GALNT1: variants seen among roughly 807,000 people sequenced by gnomAD.
GALNT1 encodes the protein GalNAc transferase 1.
Under a neutral mutation model 65.7 loss-of-function variants are expected in GALNT1, and 17 were observed. The observed-to-expected ratio is 0.26, with a 90% confidence interval of 0.18 to 0.39. The LOEUF (loss-of-function observed/expected upper bound fraction) is 0.39, where lower values mean the gene tolerates loss of function less well. GALNT1 is among the 10% of genes least tolerant of loss of function. GALNT1 has a pLI of 1.00. For missense variants in GALNT1, 460 were observed against 672.8 expected (o/e 0.68, Z 3.50); for synonymous variants, 210 against 219.7 (o/e 0.96, Z 0.39).
At chr18:35,589,810 C>T (rs1479703733) in intron 1 of GALNT1, among the ~76,000 whole-genome samples, 2 of 152,118 alleles carry the variant, frequency 1.3e-5, no homozygotes, top group African/African-American at 4.8e-5. Context: ...TGATGTTTTC[C>T]TAATATGTGT....
intron 9 of GALNT1, among the ~76,000 whole-genome samples, chr18:35,698,986 A>G (rs1280729280): frequency 1.3e-5 from 2 of 151,986 alleles, no homozygotes; most frequent in Non-Finnish European, 2.9e-5. Context: ...TGTCTCAAAA[A>G]TAAAATAAAT....
At chr18:35,592,334 A>C (rs998844836) in intron 1 of GALNT1, among the ~76,000 whole-genome samples, 3 of 152,166 alleles carry the variant, frequency 2.0e-5, no homozygotes, top group African/African-American at 7.2e-5. Flanking sequence ...TTAAGTAAAC[A>C]ATGGGAGAAA....
At chr18:35,625,462 A>T (rs1450299473) in intron 1 of GALNT1, among the ~76,000 whole-genome samples, 9 of 152,242 alleles carry the variant, frequency 5.9e-5, no homozygotes, top group Non-Finnish European at 1.0e-4. Context: ...ATCAAGTAGA[A>T]TGAAGCTGAG....
At chr18:35,623,778 T>G (rs2046884418) in intron 1 of GALNT1, among the ~76,000 whole-genome samples, 1 of 152,102 alleles carries the variant, frequency 6.6e-6, no homozygotes, top group Non-Finnish European at 1.5e-5. Context: ...AGTTTTAATT[T>G]GTTTGATAAG....
At chr18:35,699,510 TA>T (rs1173260955) in intron 9 of GALNT1, among the ~76,000 whole-genome samples, 2 of 152,224 alleles carry the variant, frequency 1.3e-5, no homozygotes, top group Admixed American at 6.5e-5. Flanking sequence ...AAGGAATTGG[TA>T]GTGTAATAAG....
chr18:35,607,659 T>C (rs1199981896), intron 1 of GALNT1, among the ~76,000 whole-genome samples: 1 of 152,184 alleles, frequency 6.6e-6, no homozygotes, highest in Non-Finnish European at 1.5e-5. Context: ...ATTTGCTGAC[T>C]CGGGCTGGTC....
chr18:35,689,124 T>C, intron 6 of GALNT1, 49 bp from the exon 7 acceptor site: 1 of 1,203,548 alleles, frequency 8.3e-7, no homozygotes, highest in East Asian at 2.3e-5. Context: ...CAAAAACTGA[T>C]TGATTGTAAA....
chr18:35,612,409 C>G (rs1281141712), intron 1 of GALNT1, among the ~76,000 whole-genome samples: 3 of 152,194 alleles, frequency 2.0e-5, no homozygotes, highest in Non-Finnish European at 4.4e-5. Flanking sequence ...GATAAGTCTG[C>G]TAATTTAACC....
chr18:35,590,775 C>T (rs749543192), intron 1 of GALNT1, among the ~76,000 whole-genome samples: 21 of 152,112 alleles, frequency 1.4e-4, no homozygotes, highest in Non-Finnish European at 2.9e-4. Flanking sequence ...AGTCCCCATG[C>T]GTGGCAGGGA....
intron 3 of GALNT1, among the ~76,000 whole-genome samples, chr18:35,666,561 C>A (rs1256515339): frequency 6.6e-6 from 1 of 152,078 alleles, no homozygotes; most frequent in Non-Finnish European, 1.5e-5. Flanking sequence ...TTTTAATAAC[C>A]CCCCTAAGTA....
chr18:35,631,391 G>A (rs1300061512), intron 1 of GALNT1, among the ~76,000 whole-genome samples: 1 of 152,050 alleles, frequency 6.6e-6, no homozygotes, highest in Non-Finnish European at 1.5e-5. Flanking sequence ...GGGATGCAAG[G>A]CTGGTTCAAC....
intron 9 of GALNT1, among the ~76,000 whole-genome samples, chr18:35,701,647 C>G (rs1007612964): frequency 2.0e-5 from 3 of 152,084 alleles, no homozygotes; most frequent in East Asian, 3.9e-4. Context: ...AATAATTGGA[C>G]AAGTTGTGGG....
chr18:35,626,370 C>T (rs1056894976), intron 1 of GALNT1, among the ~76,000 whole-genome samples: 3 of 151,990 alleles, frequency 2.0e-5, no homozygotes, highest in East Asian at 3.9e-4. Context: ...TAAGTAACGC[C>T]GTGTCTAAGA....
intron 4 of GALNT1, among the ~76,000 whole-genome samples, chr18:35,678,322 T>C (rs150920051): frequency 2.0e-5 from 3 of 149,572 alleles, no homozygotes; most frequent in African/African-American, 5.0e-5. Context: ...ATGACTCTCA[T>C]AGTAAATCTC....
intron 9 of GALNT1, among the ~76,000 whole-genome samples, chr18:35,696,631 A>G (rs867605194): frequency 6.6e-6 from 1 of 152,244 alleles, no homozygotes; most frequent in Non-Finnish European, 1.5e-5. Flanking sequence ...CTGAGCATGT[A>G]CTTTATGTCA....
intron 1 of GALNT1, among the ~76,000 whole-genome samples, chr18:35,627,829 G>A (rs1367054220): frequency 2.6e-5 from 4 of 152,172 alleles, no homozygotes. Flanking sequence ...CCAAGGGAAG[G>A]AGGGACAAAC....
At chr18:35,704,381 C>T (rs1367695166) in intron 11 of GALNT1, among the ~76,000 whole-genome samples, 1 of 151,404 alleles carries the variant, frequency 6.6e-6, no homozygotes, top group Non-Finnish European at 1.5e-5. Flanking sequence ...ACAGTCACAG[C>T]TCACACAACC....
Position 35,708,589 on chromosome 18 carries a change from G to T in GALNT1, c.1534-1035G>T, listed in dbSNP as rs566243731. On this transcript the variant is annotated intron_variant, in intron 11 of 11. Transcript: ENST00000269195. Reference sequence around the variant, plus strand: ...GTGTTAAACATTTTACATTTCCTTCGAGTTAATTTACATTTGTAGAGTAAT... The same window carrying T: ...GTGTTAAACATTTTACATTTCCTTCTAGTTAATTTACATTTGTAGAGTAAT... Among the ~76,000 whole-genome samples the T allele has an allele frequency of 4.6e-5, 7 of 152,166 alleles. No homozygotes were observed. In the East Asian group the frequency reaches 1.3e-3, roughly 29 times the overall value.
chr18:35,674,812 T>C (rs2047684738), intron 3 of GALNT1, among the ~76,000 whole-genome samples: 1 of 151,438 alleles, frequency 6.6e-6, no homozygotes, highest in South Asian at 2.1e-4. Context: ...TGAAACCCCG[T>C]CTCTAGTAAA....
Sources: gnomAD v4.1 joint callset for allele counts (sites outside exome capture counted in the v4.1 genomes callset) on GRCh38, gnomAD v4.1.1 for gene constraint, MANE v1.5 for transcripts, NCBI Gene and HGNC (gene_info 2026-07-23, HGNC 2026-07-21) for gene names.